The following MARF1 variants were observed in gnomAD, a reference collection of about 807,000 sequenced individuals.
MARF1 encodes limkain-b1.
In MARF1, 24 loss-of-function variants were observed where a neutral mutation model predicts 168.2. That is an observed-to-expected ratio of 0.14 (90% CI 0.10 to 0.20). MARF1 has a LOEUF of 0.20. MARF1 is among the 10% of genes least tolerant of loss of function. The pLI is 1.00. For synonymous variants in MARF1, 868 were observed against 822.4 expected, an observed-to-expected ratio of 1.06 and a Z score of -0.95; for missense variants, 1,744 against 2,143.6, an observed-to-expected ratio of 0.81 and a Z score of 3.68.
chr16:15,609,965 C>T lies in MARF1; in HGVS notation c.3752-240G>A, dbSNP rs1284861913. 2.6e-5 allele frequency among the ~76,000 whole-genome samples: 4 copies of T among 152,200 alleles called. No homozygotes were observed. In the East Asian group the frequency reaches 7.7e-4, roughly 29 times the overall value. On this transcript the variant is annotated intron_variant, in intron 19 of 26. Coordinates refer to ENST00000396368, the MANE Select transcript of MARF1 (RefSeq NM_014647.4). ...TTATATTATGAAATTCATATATATT[C>T]ATCTTATAAGCTAGAAACAATGTCA...
At chr16:15,619,989 C>T (rs569438836) in intron 13 of MARF1, among the ~76,000 whole-genome samples, 2 of 152,098 alleles carry the variant, frequency 1.3e-5, no homozygotes, top group South Asian at 2.1e-4. Context: ...TATGGCGAAA[C>T]CCTGTCTCTA....
At chr16:15,620,586 A>G in intron 12 of MARF1, 55 bp from the exon 13 acceptor site, 1 of 1,148,200 alleles carries the variant, frequency 8.7e-7, no homozygotes, top group Non-Finnish European at 1.3e-6. Context: ...ATTACAAGTT[A>G]TATAAACAGA....
intron 20 of MARF1, 60 bp from the exon 21 acceptor site, chr16:15,608,578 T>C (rs570490415): frequency 1.6e-6 from 2 of 1,262,860 alleles, no homozygotes; most frequent in Admixed American, 4.2e-5. Flanking sequence ...GTTTACAGAA[T>C]AGCAAAAAAA....
At chr16:15,616,027 A>C in intron 15 of MARF1, 22 bp from the exon 16 acceptor site, 1 of 1,455,026 alleles carries the variant, frequency 6.9e-7, no homozygotes, top group Non-Finnish European at 9.1e-7. Flanking sequence ...AAAAACAACA[A>C]AAAAAGGAAA....
rs1385140310 is a variant in MARF1, at chr16:15,625,305, G to A, written c.1953+67C>T. The stretch of plus-strand genomic sequence containing the variant: ...AAAGGGACACGCCAAAAGCAAGCGG[G>A]CACGTAAAACACAGAAACAAACCAA... On this transcript the variant is annotated intron_variant, in intron 8 of 26. Coordinates refer to ENST00000396368, the MANE Select transcript of MARF1 (RefSeq NM_014647.4). 4 of 1,546,264 alleles carry A rather than the reference G, an allele frequency of 2.6e-6. No individual in the cohort carries two copies. In the South Asian group the frequency reaches 3.7e-5, roughly 14 times the overall value.
At chr16:15,633,057 A>G (rs907779679) in intron 5 of MARF1, among the ~76,000 whole-genome samples, 4 of 152,138 alleles carry the variant, frequency 2.6e-5, no homozygotes, top group Non-Finnish European at 5.9e-5. Flanking sequence ...AAGAATGATT[A>G]AATTATTTCT....
intron 1 of MARF1, among the ~76,000 whole-genome samples, chr16:15,640,593 G>C (rs2035886387): frequency 6.6e-6 from 1 of 152,188 alleles, no homozygotes; most frequent in Non-Finnish European, 1.5e-5. Context: ...CTACTCAGGA[G>C]GCTATGGTGG....
chr16:15,633,301 C>T (rs2035371972), intron 5 of MARF1, among the ~76,000 whole-genome samples: 1 of 151,908 alleles, frequency 6.6e-6, no homozygotes, highest in South Asian at 2.1e-4. Flanking sequence ...TGAAAGCCAT[C>T]CAGGGGTGTC....
In MARF1 at chr16:15,633,810, A is replaced by T; in HGVS notation, c.1040T>A (p.Leu347Gln). Reference protein sequence around the residue: ...SPEVAVAGQVLENLPPIGVFW... With the variant: ...SPEVAVAGQVQENLPPIGVFW... ...AACTCCAATGGGGGGTAAGTTTTCTAGCACCTGTCCAGCTACTGCAACTTC... is the reference window on the plus strand; with the variant it reads ...AACTCCAATGGGGGGTAAGTTTTCTTGCACCTGTCCAGCTACTGCAACTTC... Residue 347 changes from leucine (L) to glutamine (Q), a missense_variant, in exon 5 of 27, where the codon CTA (leucine) becomes CAA (glutamine). Transcript: ENST00000396368. 6.2e-7 allele frequency: 1 copy of T among 1,613,976 alleles called. No individual in the cohort carries two copies. The highest frequency in any genetic ancestry group is 1.1e-5 in the South Asian group (1 of 91,034).
intron 13 of MARF1, 38 bp from the exon 14 acceptor site, chr16:15,617,573 TTTTC>T (rs1184499037): frequency 7.2e-7 from 1 of 1,390,696 alleles, no homozygotes. Flanking sequence ...CTTAGAAGGT[TTTTC>T]TTTGATTATA....
At position 15,612,710 on chromosome 16, in the gene MARF1, C is replaced by A. The variant is rs767650074; in HGVS notation, c.3321G>T (p.Val1107=). Residue 1107 remains valine, a synonymous_variant, in exon 17 of 27, where the codon GTG becomes GTT. Coordinates refer to ENST00000396368, the MANE Select transcript of MARF1 (RefSeq NM_014647.4). ...ATGGCTGGCTTTTCAGCAAGTCAAT[C>A]ACTTCTCTACTGAACTGGATCAGCT... ...NPQLIQFSRE[V]IDLLKSQPSC... The A allele has an allele frequency of 1.9e-6, 3 of 1,614,182 alleles. No individual in the cohort carries two copies. The Admixed American group carries it at 5.0e-5, about 27-fold the overall frequency.
chr16:15,601,551 TGTC>T, intron 23 of MARF1: 1 of 251,950 alleles, frequency 4.0e-6, no homozygotes, highest in Non-Finnish European at 7.8e-6. Flanking sequence ...CATCTGCTCA[TGTC>T]ATCATCCCCT....
intron 6 of MARF1, 133 bp downstream of exon 6, chr16:15,631,248 A>G: frequency 1.7e-6 from 1 of 575,926 alleles, no homozygotes; most frequent in South Asian, 2.5e-5. Flanking sequence ...ACAGTTCTCA[A>G]CAATAACCAT....
intron 7 of MARF1, among the ~76,000 whole-genome samples, chr16:15,626,431 GAAT>G (rs1448569986): frequency 5.3e-5 from 8 of 152,212 alleles, no homozygotes; most frequent in African/African-American, 1.7e-4. Context: ...CAGGTCTGCT[GAAT>G]AATAACTTAT....
chr16:15,615,618 C>T (rs1390161822), intron 16 of MARF1, among the ~76,000 whole-genome samples: 1 of 151,896 alleles, frequency 6.6e-6, no homozygotes, highest in Non-Finnish European at 1.5e-5. Context: ...AGCAAGACTC[C>T]GTCTCAAAAA....
chr16:15,642,444 G>A (rs1222778909), intron 1 of MARF1: 1 of 152,206 alleles, frequency 6.6e-6, no homozygotes, highest in Non-Finnish European at 1.5e-5. Context: ...ATATGCAAAA[G>A]AGAAGAATAT....
chr16:15,598,741 C>T (rs1186617906), intron 26 of MARF1, 113 bp downstream of exon 26: 2 of 1,039,442 alleles, frequency 1.9e-6, no homozygotes, highest in East Asian at 5.1e-5. Context: ...CAGTGTTTTC[C>T]ACCTGAAAAG....
chr16:15,634,629 A>G (rs2035466146), intron 4 of MARF1, 128 bp downstream of exon 4: 3 of 808,058 alleles, frequency 3.7e-6, no homozygotes, highest in Non-Finnish European at 5.6e-6. Flanking sequence ...AAGATATGGA[A>G]TTGGAGACTC....
At chr16:15,638,245 G>A (rs745912235) in intron 2 of MARF1, among the ~76,000 whole-genome samples, 4 of 152,068 alleles carry the variant, frequency 2.6e-5, no homozygotes, top group Non-Finnish European at 4.4e-5. Context: ...ACATACAATA[G>A]AAAATAAGAA....
Sources: allele counts gnomAD v4.1 joint callset (sites outside exome capture counted in the v4.1 genomes callset), GRCh38; gene constraint gnomAD v4.1.1; transcripts MANE v1.5; gene names NCBI Gene and HGNC (gene_info 2026-07-23, HGNC 2026-07-21).